MITF: variants seen among roughly 807,000 people sequenced by gnomAD.
The protein encoded by MITF is microphthalmia-associated transcription factor.
MITF carries 17 observed loss-of-function variants against 60.5 expected under a neutral mutation model. That is an observed-to-expected ratio of 0.28 (90% CI 0.19 to 0.42). MITF has a LOEUF of 0.42. MITF is among the 10% of genes least tolerant of loss of function. The pLI is 1.00. For missense variants in MITF, 622 were observed against 683.5 expected (o/e 0.91, Z 1.00); for synonymous variants, 260 against 248.5 (o/e 1.05, Z -0.43).
intron 2 of MITF, among the ~76,000 whole-genome samples, chr3:69,921,623 GA>G (rs2065469957): frequency 6.6e-6 from 1 of 152,114 alleles, no homozygotes; most frequent in East Asian, 1.9e-4. Context: ...CAATTAGCTA[GA>G]AACATCTCCT....
chr3:69,852,384 T>G (rs776816702), intron 1 of MITF, among the ~76,000 whole-genome samples: 18 of 152,324 alleles, frequency 1.2e-4, no homozygotes, highest in Non-Finnish European at 1.9e-4. Context: ...GGATTAATCA[T>G]GTCTGGGTTT....
chr3:69,936,777 A>G (rs751859368), intron 2 of MITF: 2 of 1,606,998 alleles, frequency 1.2e-6, no homozygotes, highest in South Asian at 2.2e-5. Context: ...TCTGACTCAT[A>G]TTCAGTCTTT....
chr3:69,945,439 T>C (rs1421762104), intron 5 of MITF, among the ~76,000 whole-genome samples: 6 of 152,172 alleles, frequency 3.9e-5, no homozygotes, highest in African/African-American at 1.4e-4. Flanking sequence ...AGAAGAAGTC[T>C]CTTCCTTTTT....
intron 1 of MITF, among the ~76,000 whole-genome samples, chr3:69,752,699 AG>A (rs1158969754): frequency 2.0e-5 from 3 of 152,202 alleles, no homozygotes; most frequent in Admixed American, 2.0e-4. Context: ...AGAGTATAAA[AG>A]TTTGGAAAAT....
At chr3:69,877,449 A>AT (rs1188699705) in intron 1 of MITF, among the ~76,000 whole-genome samples, 1 of 149,600 alleles carries the variant, frequency 6.7e-6, no homozygotes, top group Non-Finnish European at 1.5e-5. Flanking sequence ...CAGTTTGTTT[A>AT]TTAAAAAAAA....
At chr3:69,895,702 G>A (rs1024652101) in intron 2 of MITF, among the ~76,000 whole-genome samples, 1 of 151,816 alleles carries the variant, frequency 6.6e-6, no homozygotes, top group Admixed American at 6.6e-5. Flanking sequence ...CAGGTGAAGG[G>A]GGATTTACAA....
intron 5 of MITF, among the ~76,000 whole-genome samples, chr3:69,945,092 T>C (rs1429520755): frequency 6.6e-6 from 1 of 152,152 alleles, no homozygotes; most frequent in Non-Finnish European, 1.5e-5. Flanking sequence ...TCTTGTACTA[T>C]CACAAACAAA....
intron 2 of MITF, among the ~76,000 whole-genome samples, chr3:69,887,923 A>G (rs2064661824): frequency 6.6e-6 from 1 of 152,052 alleles, no homozygotes; most frequent in Non-Finnish European, 1.5e-5. Context: ...TGTCAGGTGT[A>G]AACTCACCAG....
chr3:69,940,862 G>A (rs935086551), intron 4 of MITF, among the ~76,000 whole-genome samples: 1 of 152,190 alleles, frequency 6.6e-6, no homozygotes, highest in African/African-American at 2.4e-5. Context: ...TCTTTCTTCA[G>A]TGTGTGACTT....
At chr3:69,781,302 G>A (rs1164924784) in intron 1 of MITF, among the ~76,000 whole-genome samples, 1 of 152,118 alleles carries the variant, frequency 6.6e-6, no homozygotes, top group Non-Finnish European at 1.5e-5. Flanking sequence ...TTTCAGAAAA[G>A]AGCCCCTCAG....
intron 1 of MITF, among the ~76,000 whole-genome samples, chr3:69,789,424 G>A (rs1052516143): frequency 1.3e-5 from 2 of 152,018 alleles, no homozygotes; most frequent in Admixed American, 1.3e-4. Context: ...AATGCAAATC[G>A]GAACCACAGA....
At chr3:69,896,567 G>A (rs2064880185) in intron 2 of MITF, among the ~76,000 whole-genome samples, 1 of 152,202 alleles carries the variant, frequency 6.6e-6, no homozygotes, top group Non-Finnish European at 1.5e-5. Flanking sequence ...TTTACTGATT[G>A]TTGTTATTCG....
Position 69,747,787 on chromosome 3 carries a change from T to C in MITF, c.104+8086T>C, listed in dbSNP as rs145787267. Among the ~76,000 whole-genome samples, 204 of 152,354 alleles carry C rather than the reference T, an allele frequency of 1.3e-3. 1 individual carries two copies. The highest frequency in any genetic ancestry group is 4.3e-3 in the African/African-American group (179 of 41,586). On this transcript the variant is annotated intron_variant, in intron 1 of 9. Coordinates refer to ENST00000352241, the MANE Select transcript of MITF (RefSeq NM_001354604.2). ...TTATCCTTTCTTTCCTCTAGGATCA[T>C]CCTACTTGATGTCATCCCTTGTTCT... is the stretch of plus-strand genomic sequence containing the variant.
At chr3:69,919,128 A>G (rs910675837) in intron 2 of MITF, among the ~76,000 whole-genome samples, 1 of 152,210 alleles carries the variant, frequency 6.6e-6, no homozygotes, top group African/African-American at 2.4e-5. Flanking sequence ...GGAGAAGAAA[A>G]CACTTAAATT....
chr3:69,769,722 C>A (rs2062364008), intron 1 of MITF: 1 of 152,366 alleles, frequency 6.6e-6, no homozygotes, highest in South Asian at 2.1e-4. Context: ...CTCAACTGAT[C>A]CTCCTGCCTC....
At chr3:69,937,578 AAGAGACGTAT>A (rs2065871402) in intron 2 of MITF, among the ~76,000 whole-genome samples, 1 of 152,338 alleles carries the variant, frequency 6.6e-6, no homozygotes, top group Admixed American at 6.5e-5. Flanking sequence ...CAAGGTTTGA[AAGAGACGTAT>A]AGTTAATTAG....
At chr3:69,938,239 A>G (rs2065890052) in intron 3 of MITF, 190 bp downstream of exon 3, 2 of 1,140,330 alleles carry the variant, frequency 1.8e-6, no homozygotes, top group Non-Finnish European at 1.3e-6. Context: ...TTGGGTGTAG[A>G]GCACATGACG....
At chr3:69,861,227 T>A (rs891807718) in intron 1 of MITF, among the ~76,000 whole-genome samples, 3 of 152,242 alleles carry the variant, frequency 2.0e-5, no homozygotes, top group African/African-American at 7.2e-5. Flanking sequence ...TCCTTCCTTA[T>A]CTGACCTTTT....
At chr3:69,930,695 C>T (rs946263630) in intron 2 of MITF, among the ~76,000 whole-genome samples, 2 of 152,230 alleles carry the variant, frequency 1.3e-5, no homozygotes, top group Non-Finnish European at 2.9e-5. Flanking sequence ...CCTTGCTGCT[C>T]GGGATGTAGT....
Sources: gnomAD v4.1 joint callset for allele counts (sites outside exome capture counted in the v4.1 genomes callset) on GRCh38, gnomAD v4.1.1 for gene constraint, MANE v1.5 for transcripts, NCBI Gene and HGNC (gene_info 2026-07-23, HGNC 2026-07-21) for gene names.